RPUSD1: variants seen among roughly 807,000 people sequenced by gnomAD.
RPUSD1 encodes the protein pseudouridylate synthase RPUSD1.
In RPUSD1, 28 loss-of-function variants were observed where a neutral mutation model predicts 22.4. The observed-to-expected ratio is 1.25, with a 90% CI of 0.93 to 1.72. The LOEUF is 1.72. Among genes scored for constraint, RPUSD1 ranks in the 40% most tolerant of loss-of-function variants. The probability of loss-of-function intolerance (pLI) is 0.00; values close to 1 mark genes in which losing one functional copy is unlikely to be tolerated. For missense variants in RPUSD1, 596 were observed against 442.2 expected, an observed-to-expected ratio of 1.35 and a Z score of -3.12; for synonymous variants, 298 against 201.0, an observed-to-expected ratio of 1.48 and a Z score of -4.08.
Position 787,852 on chromosome 16 carries a change from G to C in RPUSD1, c.-7-108C>G, listed in dbSNP as rs1003490214. On this transcript the variant is annotated intron_variant, in intron 1 of 5. Coordinates refer to ENST00000007264, the MANE Select transcript of RPUSD1 (RefSeq NM_058192.3). ...ACCCGGGCTCCGGTGCGAAGCCACC[G>C]AGCCGGGTCCGCAGCCCTACTGTGC... The C allele has an allele frequency of 3.4e-6, 4 of 1,191,938 alleles. No homozygotes were observed. In the African/African-American group the frequency reaches 6.1e-5, roughly 18 times the overall value. 73.8% of individuals were successfully genotyped at this position (1,191,938 alleles called of 1,614,324 possible). A position where few individuals can be genotyped will look rare whatever the true frequency, so the allele number is the denominator to read the frequency against.
intron 1 of RPUSD1, chr16:787,955 C>G (rs2042014618): frequency 1.7e-6 from 1 of 599,370 alleles, no homozygotes; most frequent in Non-Finnish European, 3.0e-6. Flanking sequence ...TCCGGGCTGA[C>G]CTGAAGGGCC....
At position 786,023 on chromosome 16, in the gene RPUSD1, G is replaced by A. The variant is rs761065690; in HGVS notation, c.866C>T (p.Pro289Leu). Residue 289 changes from proline (P) to leucine (L), a missense_variant, in exon 6 of 6, where the codon CCC becomes CTC. Physicochemically the swap from Pro to Leu is moderately conservative, Grantham distance 98 (BLOSUM62 -3). Coordinates refer to ENST00000007264, the MANE Select transcript of RPUSD1 (RefSeq NM_058192.3). The stretch of plus-strand genomic sequence containing the variant: ...GCCCCGCTGTGCCTCAGTCTCAGGG[G>A]GCTTGGTTGGGGGTGGAGGAGGCCG... ...PGRPPPPPTKPPETEAQRGPC... is the reference protein window; with the variant it reads ...PGRPPPPPTKLPETEAQRGPC... 3 of 1,495,160 alleles carry A rather than the reference G, an allele frequency of 2.0e-6. No individual in the cohort carries two copies. Among genetic ancestry groups the A allele is most frequent in the African/African-American group, 2.8e-5 (2 of 71,802 alleles). The allele number at this position is 1,495,160 out of a possible 1,614,324, so 92.6% of individuals were successfully genotyped here.
Position 786,305 on chromosome 16 carries a change from T to C in RPUSD1, c.584A>G (p.Glu195Gly). Reference sequence around the variant, plus strand: ...CGGCCGGTCCTCCCGGCCCGAGACTTCTCCGTAGGTCAGGTCGCCCACCAC... The same window carrying C: ...CGGCCGGTCCTCCCGGCCCGAGACTCCTCCGTAGGTCAGGTCGCCCACCAC... ...HPVVGDLTYGEVSGREDRPFR... is the reference protein window; with the variant it reads ...HPVVGDLTYGGVSGREDRPFR... The change falls in exon 6 of 6, where the codon GAA becomes GGA. Residue 195 changes from glutamate (E) to glycine (G), a missense_variant. Coordinates refer to ENST00000007264, the MANE Select transcript of RPUSD1 (RefSeq NM_058192.3). The C allele has an allele frequency of 6.2e-7, 1 of 1,612,580 alleles. No individual in the cohort carries two copies. The highest frequency in any genetic ancestry group is 8.5e-7 in the Non-Finnish European group (1 of 1,179,854).
At position 786,151 on chromosome 16, in the gene RPUSD1, C is replaced by G. The variant is rs145235013; in HGVS notation, c.738G>C (p.Ser246=). ...GTAAGGCCTGCACGAGCTGGTCCAGCGACTGCAGCAGTGTGTGGGGGCTCC... is the reference window on the plus strand; with the variant it reads ...GTAAGGCCTGCACGAGCTGGTCCAGGGACTGCAGCAGTGTGTGGGGGCTCC... The part of the protein sequence containing the change: ...ACWSPHTLLQ[S]LDQLVQALRA... Residue 246 remains serine, a synonymous_variant, in exon 6 of 6, where the codon TCG becomes TCC. Coordinates refer to ENST00000007264, the MANE Select transcript of RPUSD1 (RefSeq NM_058192.3). The G allele has an allele frequency of 1.2e-6, 2 of 1,610,648 alleles. No homozygotes were observed. The highest frequency in any genetic ancestry group is 1.7e-5 in the Admixed American group (1 of 59,972).
Position 786,138 on chromosome 16 carries a change from C to T in RPUSD1, c.751G>A (p.Val251Met), listed in dbSNP as rs763127882. 29 of 1,608,152 alleles carry T rather than the reference C, an allele frequency of 1.8e-5. No homozygotes were observed. Among genetic ancestry groups the T allele is most frequent in the South Asian group, 1.3e-4 (12 of 91,004 alleles). Residue 251 changes from valine (V) to methionine (M), a missense_variant, in exon 6 of 6, where the codon GTG becomes ATG. Val to Met is a conservative substitution (Grantham distance 21, BLOSUM62 1). Coordinates refer to ENST00000007264, the MANE Select transcript of RPUSD1 (RefSeq NM_058192.3). ...TCGGGGGTGGCCCGTAAGGCCTGCACGAGCTGGTCCAGCGACTGCAGCAGT... is the reference window on the plus strand; with the variant it reads ...TCGGGGGTGGCCCGTAAGGCCTGCATGAGCTGGTCCAGCGACTGCAGCAGT... ...HTLLQSLDQLVQALRATPDPD... is the reference protein window; with the variant it reads ...HTLLQSLDQLMQALRATPDPD...
Position 787,170 on chromosome 16 carries a change from GC to G in RPUSD1, c.315del (p.His106ThrfsTer7). 2 of 1,604,104 alleles carry G rather than the reference GC, an allele frequency of 1.2e-6. No homozygotes were observed. Among genetic ancestry groups the G allele is most frequent in the African/African-American group, 1.3e-5 (1 of 74,944 alleles). ...ATGGTTACCCGGCTCTCCTGGATGT[GC>G]CCCCGCAGCTGCAGGAGAGGGAGAA... is the stretch of plus-strand genomic sequence containing the variant. Reference protein sequence around the residue: ...VTKAYLALLRGHIQESRVTIS... With the variant: ...VTKAYLALLRXHIQESRVTIS... On this transcript the variant is annotated frameshift_variant, in exon 4 of 6. Transcript: ENST00000007264. LOFTEE classifies it high-confidence loss of function.
At position 787,702 on chromosome 16, in the gene RPUSD1, C is replaced by A. The variant is rs576642034; in HGVS notation, c.36G>T (p.Val12=). ...CCACCAGGAAGTCGCGGCTCCGGTACACGATGGACAGGTTCTCCACGCTGC... is the reference window on the plus strand; with the variant it reads ...CCACCAGGAAGTCGCGGCTCCGGTAAACGATGGACAGGTTCTCCACGCTGC... ...EPGSVENLSI[V]YRSRDFLVVN... Residue 12 remains valine (V), a synonymous_variant, in exon 2 of 6, where the codon GTG becomes GTT. Coordinates refer to ENST00000007264, the MANE Select transcript of RPUSD1 (RefSeq NM_058192.3). 6.2e-7 allele frequency: 1 copy of A among 1,611,784 alleles called. No homozygotes were observed. The highest frequency in any genetic ancestry group is 1.1e-5 in the South Asian group (1 of 91,084).
Position 787,089 on chromosome 16 carries a change from C to G in RPUSD1, c.397G>C (p.Glu133Gln). Residue 133 changes from glutamate (E) to glutamine (Q), a missense_variant, in exon 4 of 6, where the codon GAG becomes CAG. Physicochemically the swap from Glu to Gln is conservative, Grantham distance 29 (BLOSUM62 2). Coordinates refer to ENST00000007264, the MANE Select transcript of RPUSD1 (RefSeq NM_058192.3). ...TEGRAHTMCI[E>Q]GSQGCENPKP... is the part of the protein sequence containing the mutation. ...CTGCCTGCCACACCCTGCGAGCCCT[C>G]GATGCACATGGTGTGGGCCCGGCCC... The G allele has an allele frequency of 6.2e-7, 1 of 1,606,480 alleles. No homozygotes were observed. Among genetic ancestry groups the G allele is most frequent in the East Asian group, 2.2e-5 (1 of 44,516 alleles).
At chr16:787,805 A>G (rs915109270) in intron 1 of RPUSD1, 61 bp from the exon 2 acceptor site, 1 of 1,549,800 alleles carries the variant, frequency 6.5e-7, no homozygotes, top group Non-Finnish European at 8.7e-7. Context: ...AGCCCAGCAT[A>G]CAGAGGTACC....
intron 3 of RPUSD1, 24 bp from the exon 4 acceptor site, chr16:787,203 G>A (rs759378983): frequency 1.3e-5 from 21 of 1,583,832 alleles, no homozygotes; most frequent in Non-Finnish European, 1.6e-5. Flanking sequence ...AGAATCGCAC[G>A]CAGTTCACGG....
In RPUSD1 at chr16:787,079, T is replaced by C. The variant is rs2041957080; in HGVS notation, c.407A>G (p.Gln136Arg). 5 of 1,604,566 alleles carry C rather than the reference T, an allele frequency of 3.1e-6. No individual in the cohort carries two copies. The highest frequency in any genetic ancestry group is 4.2e-6 in the Non-Finnish European group (5 of 1,177,078). Residue 136 changes from glutamine (Q) to arginine (R), a missense_variant and splice_region_variant, in exon 4 of 6, where the codon CAG (glutamine) becomes CGG (arginine). Physicochemically the swap from Gln to Arg is conservative, Grantham distance 43. Coordinates refer to ENST00000007264, the MANE Select transcript of RPUSD1 (RefSeq NM_058192.3). ...CGGTGGGTCCCTGCCTGCCACACCC[T>C]GCGAGCCCTCGATGCACATGGTGTG... ...RAHTMCIEGSQGCENPKPSLT... is the reference protein window; with the variant it reads ...RAHTMCIEGSRGCENPKPSLT...
In RPUSD1 at chr16:786,814, AC is replaced by A; in HGVS notation, c.511+12del. 2 of 1,607,820 alleles carry A rather than the reference AC, an allele frequency of 1.2e-6. No homozygotes were observed. The highest frequency in any genetic ancestry group is 1.7e-6 in the Non-Finnish European group (2 of 1,175,264). On this transcript the variant is annotated intron_variant, in intron 5 of 5. Coordinates refer to ENST00000007264, the MANE Select transcript of RPUSD1 (RefSeq NM_058192.3). The stretch of plus-strand genomic sequence containing the variant: ...TTCTGTCACCACCAGGACACCGCCC[AC>A]CCCAGACACACCCGTGAGCGGCTTC...
chr16:785,953 G>C lies in RPUSD1; in HGVS notation c.936C>G (p.Ser312Arg). ...WLSEWTLEPD[S>R] ...CCCTGCCCCAGCCCCACGGCTCTCA[G>C]CTGTCCGGTTCCAGCGTCCACTCCG... Residue 312 changes from serine to arginine, a missense_variant, in exon 6 of 6, where the codon AGC becomes AGG. Transcript: ENST00000007264. The C allele has an allele frequency of 7.0e-7, 1 of 1,436,982 alleles. No individual in the cohort carries two copies. The highest frequency in any genetic ancestry group is 9.1e-7 in the Non-Finnish European group (1 of 1,098,268). The allele number at this position is 1,436,982 out of a possible 1,614,324, so 89.0% of individuals were successfully genotyped here.
At position 787,191 on chromosome 16, in the gene RPUSD1, G is replaced by A. The variant is rs774891106; in HGVS notation, c.307-12C>T. On this transcript the variant is annotated splice_polypyrimidine_tract_variant and intron_variant, in intron 3 of 5. Transcript: ENST00000007264. ...ATGTGCCCCCGCAGCTGCAGGAGAGGGAGAATCGCACGCAGTTCACGGGGC... is the reference window on the plus strand; with the variant it reads ...ATGTGCCCCCGCAGCTGCAGGAGAGAGAGAATCGCACGCAGTTCACGGGGC... The A allele has an allele frequency of 5.0e-6, 8 of 1,596,264 alleles. No homozygotes were observed. The highest frequency in any genetic ancestry group is 1.7e-5 in the Admixed American group (1 of 59,402).
Position 787,379 on chromosome 16 carries a change from CGCCGCT to C in RPUSD1, c.275_280del (p.Glu92_Arg94delinsGly), listed in dbSNP as rs1358335019. ...CAATGCCAGGTAAGCCTTGGTCACGCGCCGCTCCTTGAAGCACCTGTACGCGCTGCC... is the reference window on the plus strand; with the variant it reads ...CAATGCCAGGTAAGCCTTGGTCACGCCCTTGAAGCACCTGTACGCGCTGCC... On this transcript the variant is annotated inframe_deletion, in exon 3 of 6. Transcript: ENST00000007264. 1.1e-5 allele frequency: 18 copies of C among 1,589,746 alleles called. 1 individual carries two copies. In the Admixed American group the frequency reaches 2.4e-4, roughly 21 times the overall value.
At position 785,716 on chromosome 16, in the gene RPUSD1, G is replaced by C. The variant is rs1346148439; in HGVS notation, c.*234C>G. The C allele has an allele frequency of 4.9e-6, 2 of 411,396 alleles. No homozygotes were observed. Among genetic ancestry groups the C allele is most frequent in the Admixed American group, 4.1e-5 (1 of 24,224 alleles). 25.5% of individuals were successfully genotyped at this position (411,396 alleles called of 1,614,324 possible). A position where few individuals can be genotyped will look rare whatever the true frequency, so the allele number is the denominator to read the frequency against. ...GGGCATGTGGGCAGGAAGGCCCTCG[G>C]GATCCCGCATCAGTCCCACGGCCGC... On this transcript the variant is annotated 3_prime_UTR_variant, in exon 6 of 6. Coordinates refer to ENST00000007264, the MANE Select transcript of RPUSD1 (RefSeq NM_058192.3).
chr16:788,066 C>A, intron 1 of RPUSD1, 190 bp downstream of exon 1: 1 of 501,204 alleles, frequency 2.0e-6, no homozygotes, highest in East Asian at 4.5e-5. Context: ...ATGCCTCTGC[C>A]CGACGGTGGG....
intron 4 of RPUSD1, 56 bp from the exon 5 acceptor site, chr16:786,984 AC>A: frequency 6.4e-7 from 1 of 1,566,424 alleles, no homozygotes; most frequent in South Asian, 1.2e-5. Flanking sequence ...GCCCAGGCCC[AC>A]CCCAACGCAC....
Position 786,935 on chromosome 16 carries a change from C to A in RPUSD1, c.410-7G>T, listed in dbSNP as rs778800083. ...GGCTTTGGGTTCTCACAACCTGGGG[C>A]GCAGAAGGCAGGTGTGAGGTTAGTG... On this transcript the variant is annotated splice_polypyrimidine_tract_variant and splice_region_variant and intron_variant, in intron 4 of 5. Coordinates refer to ENST00000007264, the MANE Select transcript of RPUSD1 (RefSeq NM_058192.3). The A allele has an allele frequency of 1.2e-6, 2 of 1,612,086 alleles. No individual in the cohort carries two copies. Among genetic ancestry groups the A allele is most frequent in the Non-Finnish European group, 1.7e-6 (2 of 1,178,948 alleles).
Sources: allele counts gnomAD v4.1 joint callset, GRCh38; gene constraint gnomAD v4.1.1; transcripts MANE v1.5; gene names NCBI Gene and HGNC (gene_info 2026-07-23, HGNC 2026-07-21).